FBXO4: variants seen among roughly 807,000 people sequenced by gnomAD.
The protein encoded by FBXO4 is F-box protein 4.
In FBXO4, 36 loss-of-function variants were observed where a neutral mutation model predicts 43.7. That is an observed-to-expected ratio of 0.82 (90% CI 0.63 to 1.09). The LOEUF is 1.09. FBXO4 is among the 50% of genes least tolerant of loss of function. The probability of loss-of-function intolerance (pLI) is 0.00; values close to 1 mark genes in which losing one functional copy is unlikely to be tolerated. For missense variants in FBXO4, 435 were observed against 474.1 expected (o/e 0.92, Z 0.77); for synonymous variants, 180 against 165.6 (o/e 1.09, Z -0.67).
At chr5:42,029,014 T>C in the FBXO4 span, among the ~76,000 whole-genome samples, 1 of 152,044 alleles carries the variant, frequency 6.6e-6, no homozygotes, top group Non-Finnish European at 1.5e-5. Flanking sequence ...TGTGTTTTTC[T>C]GCATGCTTAC....
At chr5:42,010,165 A>T in the FBXO4 span, among the ~76,000 whole-genome samples, 8 of 152,138 alleles carry the variant, frequency 5.3e-5, no homozygotes, top group Non-Finnish European at 1.2e-4. Context: ...CACTTAGCAT[A>T]ATGTCCTCAA....
the FBXO4 span, among the ~76,000 whole-genome samples, chr5:42,025,409 G>C: frequency 6.6e-6 from 1 of 151,486 alleles, no homozygotes; most frequent in African/African-American, 2.4e-5. Context: ...TTCCTGTAGA[G>C]TTGTCTGAGC....
At chr5:41,967,485 G>T in the FBXO4 span, 1 of 657,198 alleles carries the variant, frequency 1.5e-6, no homozygotes, top group South Asian at 1.4e-5. Flanking sequence ...TGCTCTTTGG[G>T]GGTATATCAA....
the FBXO4 span, among the ~76,000 whole-genome samples, chr5:42,011,338 G>T: frequency 6.6e-6 from 1 of 152,082 alleles, no homozygotes; most frequent in Admixed American, 6.6e-5. Flanking sequence ...TGGTTATTGT[G>T]AGAGTGGGCT....
chr5:41,999,522 T>TATAC, the FBXO4 span, among the ~76,000 whole-genome samples: 2 of 110,096 alleles, frequency 1.8e-5, no homozygotes, highest in South Asian at 2.5e-4. Context: ...TATATATATA[T>TATAC]ACATATATAT....
chr5:42,016,373 TC>T, the FBXO4 span, among the ~76,000 whole-genome samples: 3 of 151,954 alleles, frequency 2.0e-5, no homozygotes, highest in South Asian at 6.2e-4. Context: ...CTTTTTTTTT[TC>T]CTTAGGATGT....
chr5:41,967,659 A>G, the FBXO4 span: 2 of 745,800 alleles, frequency 2.7e-6, no homozygotes, highest in African/African-American at 1.7e-5. Flanking sequence ...CACACACTGC[A>G]TGGAGTAGCT....
chr5:41,959,774 A>C, the FBXO4 span, among the ~76,000 whole-genome samples: 2 of 152,156 alleles, frequency 1.3e-5, no homozygotes, highest in African/African-American at 4.8e-5. Context: ...ATTCTCTAGT[A>C]GATTTTGAAA....
chr5:42,021,860 C>T, the FBXO4 span, among the ~76,000 whole-genome samples: 1 of 152,098 alleles, frequency 6.6e-6, no homozygotes, highest in South Asian at 2.1e-4. Flanking sequence ...AGAATAAAAG[C>T]ATGAATCAAA....
the FBXO4 span, among the ~76,000 whole-genome samples, chr5:42,031,796 C>T: frequency 4.6e-5 from 7 of 151,718 alleles, no homozygotes; most frequent in African/African-American, 1.5e-4. Flanking sequence ...TAGTCTTCAT[C>T]GTCTGGGCTT....
chr5:42,005,904 G>C, the FBXO4 span, among the ~76,000 whole-genome samples: 3 of 152,010 alleles, frequency 2.0e-5, no homozygotes, highest in African/African-American at 4.8e-5. Context: ...TTGCCTATCA[G>C]TAACTTTTCA....
rs759328818 is a variant in FBXO4, at chr5:41,929,701, A to G, written c.430A>G (p.Arg144Gly). 6.3e-7 allele frequency: 1 copy of G among 1,598,788 alleles called. No individual in the cohort carries two copies. The highest frequency in any genetic ancestry group is 1.8e-5 in the Admixed American group (1 of 56,452). ...GAFFDYMAVY[R>G]MCCPYTRRAS... is the part of the protein sequence containing the mutation. ...AATTGTGACAATTTTTTACAGCTAT[A>G]GAATGTGCTGTCCATACACAAGAAG... Residue 144 changes from arginine (R) to glycine (G), a missense_variant, in exon 3 of 7, where the codon AGA becomes GGA. Transcript: ENST00000281623.
chr5:41,925,355 C>T lies in FBXO4; in HGVS notation c.46C>T (p.Pro16Ser). The T allele has an allele frequency of 1.5e-6, 2 of 1,370,676 alleles. No individual in the cohort carries two copies. Among genetic ancestry groups the T allele is most frequent in the East Asian group, 3.1e-5 (1 of 32,440 alleles). 84.9% of individuals were successfully genotyped at this position (1,370,676 alleles called of 1,614,324 possible). Residue 16 changes from proline (P) to serine (S), a missense_variant, in exon 1 of 7, where the codon CCC (proline) becomes TCC (serine). By Grantham distance (74) the Pro-to-Ser change is moderately conservative (BLOSUM62 -1). Transcript: ENST00000281623. ...CAGCGGAACAAACTCGCCGCCGCCG[C>T]CCTTCAGCGACTGGGGCCGCCTGGA... ...PRSGTNSPPP[P>S]FSDWGRLEAA... is the part of the protein sequence containing the mutation.
chr5:41,984,639 C>T, the FBXO4 span, among the ~76,000 whole-genome samples: 1 of 152,274 alleles, frequency 6.6e-6, no homozygotes. Context: ...GATCTCATTC[C>T]TCATTTGGCC....
chr5:42,003,850 T>A, the FBXO4 span, among the ~76,000 whole-genome samples: 3 of 152,104 alleles, frequency 2.0e-5, no homozygotes, highest in African/African-American at 7.2e-5. Flanking sequence ...AGAAATACCA[T>A]GTGACCCAGC....
chr5:41,955,894 T>G, the FBXO4 span, among the ~76,000 whole-genome samples: 1 of 152,232 alleles, frequency 6.6e-6, no homozygotes, highest in African/African-American at 2.4e-5. Flanking sequence ...TTGGCCTCGG[T>G]AGTAGAAAAA....
chr5:41,928,766 T>G (rs1305029246), intron 2 of FBXO4: 1 of 152,404 alleles, frequency 6.6e-6, no homozygotes, highest in Non-Finnish European at 1.5e-5. Context: ...TTGTGTTTGT[T>G]TTTTCCCCTT....
chr5:42,032,922 T>G, the FBXO4 span, among the ~76,000 whole-genome samples: 2,436 of 152,220 alleles, frequency 0.016, 122 homozygotes, highest in East Asian at 0.1. Context: ...GGTTATTCAG[T>G]GTCCAAGGGC....
the FBXO4 span, among the ~76,000 whole-genome samples, chr5:42,028,832 G>A: frequency 1.3e-5 from 2 of 151,608 alleles, no homozygotes; most frequent in African/African-American, 4.8e-5. Flanking sequence ...CCAACTCTAT[G>A]CCTTAACTTT....
Sources: gnomAD v4.1 joint callset for allele counts (sites outside exome capture counted in the v4.1 genomes callset) on GRCh38, gnomAD v4.1.1 for gene constraint, MANE v1.5 for transcripts, NCBI Gene and HGNC (gene_info 2026-07-23, HGNC 2026-07-21) for gene names.